The following EXOC2 variants were observed in gnomAD, a reference collection of about 807,000 sequenced individuals.
EXOC2 encodes the protein exocyst complex component 2, also known as SEC5-like 1.
EXOC2 carries 70 observed loss-of-function variants against 131.8 expected under a neutral mutation model. That is an observed-to-expected ratio of 0.53 (90% CI 0.44 to 0.65). The LOEUF is 0.65. Among genes scored for constraint, EXOC2 ranks in the 30% least tolerant of loss-of-function variants. The pLI, the probability that EXOC2 is intolerant of heterozygous loss-of-function variation, is 0.00. For missense variants in EXOC2, 923 were observed against 1,108.6 expected (o/e 0.83, Z 2.38); for synonymous variants, 411 against 398.4 (o/e 1.03, Z -0.38).
chr6:588,832 G>C (rs2127620645), intron 11 of EXOC2, among the ~76,000 whole-genome samples: 1 of 151,960 alleles, frequency 6.6e-6, no homozygotes, highest in South Asian at 2.1e-4. Context: ...CTGATTTTAA[G>C]CAATTTAGAA....
intron 13 of EXOC2, among the ~76,000 whole-genome samples, chr6:565,837 T>A (rs1307978556): frequency 6.6e-6 from 1 of 152,184 alleles, no homozygotes; most frequent in Non-Finnish European, 1.5e-5. Context: ...ATGCACGTTG[T>A]ATATATATTT....
At chr6:502,100 G>T (rs1764246663) in intron 23 of EXOC2, among the ~76,000 whole-genome samples, 1 of 152,152 alleles carries the variant, frequency 6.6e-6, no homozygotes, top group Admixed American at 6.5e-5. Flanking sequence ...CTCAGGTCTG[G>T]TCTCTAAGCC....
chr6:567,605 G>C (rs1454791537), intron 13 of EXOC2, among the ~76,000 whole-genome samples: 1 of 152,120 alleles, frequency 6.6e-6, no homozygotes, highest in Non-Finnish European at 1.5e-5. Context: ...GTACATGCAT[G>C]CATTTATATG....
At chr6:655,308 G>T (rs1319162181) in intron 1 of EXOC2, among the ~76,000 whole-genome samples, 1 of 152,192 alleles carries the variant, frequency 6.6e-6, no homozygotes, top group Non-Finnish European at 1.5e-5. Flanking sequence ...TTTTACCAAT[G>T]AAGTATTTTA....
intron 11 of EXOC2, among the ~76,000 whole-genome samples, chr6:589,418 G>A (rs1047556606): frequency 2.0e-5 from 3 of 152,046 alleles, no homozygotes; most frequent in African/African-American, 4.8e-5. Context: ...TCTCAATGCC[G>A]ATCCGGAGAA....
chr6:508,234 G>T (rs4406278), intron 23 of EXOC2, among the ~76,000 whole-genome samples: 97,624 of 151,968 alleles, frequency 0.64, 32,292 homozygotes, highest in South Asian at 0.79. Flanking sequence ...ACACACGGCC[G>T]CCCCAACTGT....
intron 1 of EXOC2, among the ~76,000 whole-genome samples, chr6:685,946 G>A (rs1299683691): frequency 1.5e-5 from 2 of 130,204 alleles, no homozygotes; most frequent in Admixed American, 8.7e-5. Flanking sequence ...AAGAAGTAAT[G>A]TATTAATGTA....
chr6:496,632 G>A (rs949687854), intron 25 of EXOC2, among the ~76,000 whole-genome samples: 10 of 152,134 alleles, frequency 6.6e-5, no homozygotes. Flanking sequence ...TAAGAAATAA[G>A]AAATTCATGC....
intron 25 of EXOC2, among the ~76,000 whole-genome samples, chr6:491,601 C>G (rs1366806317): frequency 1.3e-5 from 2 of 152,262 alleles, no homozygotes; most frequent in African/African-American, 4.8e-5. Context: ...TGCTTCCTGA[C>G]ACCTATGCCC....
intron 11 of EXOC2, among the ~76,000 whole-genome samples, chr6:587,318 C>G (rs1168579335): frequency 6.6e-6 from 1 of 151,292 alleles, no homozygotes; most frequent in African/African-American, 2.4e-5. Flanking sequence ...AATCTGGGCT[C>G]AGTGCAAGCT....
chr6:555,175 T>C, intron 20 of EXOC2, 52 bp downstream of exon 20: 1 of 1,092,966 alleles, frequency 9.1e-7, no homozygotes, highest in Non-Finnish European at 1.3e-6. Context: ...CTTGAGCCTG[T>C]ATTTTTAATT....
At chr6:543,462 G>A (rs1480071200) in intron 22 of EXOC2, among the ~76,000 whole-genome samples, 2 of 152,184 alleles carry the variant, frequency 1.3e-5, no homozygotes, top group Non-Finnish European at 2.9e-5. Flanking sequence ...GCTGAGGGCA[G>A]AGTGAGGCCA....
chr6:630,112 A>T (rs1761769798), intron 3 of EXOC2, 151 bp from the exon 4 acceptor site: 4 of 975,984 alleles, frequency 4.1e-6, no homozygotes, highest in Non-Finnish European at 2.8e-6. Flanking sequence ...CTAAATTTTT[A>T]AAAAATGACT....
intron 13 of EXOC2, among the ~76,000 whole-genome samples, chr6:570,632 T>C (rs1758227593): frequency 6.6e-6 from 1 of 152,204 alleles, no homozygotes; most frequent in African/African-American, 2.4e-5. Context: ...CAGCAAACTC[T>C]TACTTATCTG....
rs534418126 is a variant in EXOC2 at position 486,695 on chromosome 6, A to C, written c.2751T>G (p.Ala917=). ...MHLQLTCFQA[A]SSTMMKT is the part of the protein sequence containing the mutation. ...TTTATGTTTTCATCATGGTTGAAGAAGCTGCTTGGAAACAGGTGAGCTGCA... is the reference window on the plus strand; with the variant it reads ...TTTATGTTTTCATCATGGTTGAAGACGCTGCTTGGAAACAGGTGAGCTGCA... Residue 917 remains alanine, a synonymous_variant, in exon 28 of 28, where the codon GCT becomes GCG. Transcript: ENST00000230449. 6.2e-7 allele frequency: 1 copy of C among 1,614,202 alleles called. No homozygotes were observed. The highest frequency in any genetic ancestry group is 1.1e-5 in the South Asian group (1 of 91,074).
intron 21 of EXOC2, 99 bp downstream of exon 21, chr6:553,755 C>T (rs1317901123): frequency 7.6e-6 from 7 of 918,066 alleles, no homozygotes; most frequent in African/African-American, 1.6e-5. Context: ...TCCTATACCA[C>T]GTGCTATAGC....
chr6:537,199 C>T (rs1323456030), intron 22 of EXOC2, among the ~76,000 whole-genome samples: 1 of 152,002 alleles, frequency 6.6e-6, no homozygotes, highest in Non-Finnish European at 1.5e-5. Flanking sequence ...GGAGCGTACA[C>T]TCGAGATGAC....
At chr6:571,853 C>T (rs2493049) in intron 13 of EXOC2, among the ~76,000 whole-genome samples, 105,819 of 152,080 alleles carry the variant, frequency 0.7, 37,012 homozygotes, top group Admixed American at 0.8. Context: ...GTCCAGGAGC[C>T]GGAGGCCTTT....
At chr6:555,824 T>G in intron 19 of EXOC2, 130 bp downstream of exon 19, 3 of 919,702 alleles carry the variant, frequency 3.3e-6, no homozygotes, top group Non-Finnish European at 3.3e-6. Context: ...CTTAAACTAT[T>G]ATGTACACAG....
Sources: gnomAD v4.1 joint callset for allele counts (sites outside exome capture counted in the v4.1 genomes callset) on GRCh38, gnomAD v4.1.1 for gene constraint, MANE v1.5 for transcripts, NCBI Gene and HGNC (gene_info 2026-07-23, HGNC 2026-07-21) for gene names.